MUSK: variants seen among roughly 807,000 people sequenced by gnomAD.
MUSK encodes the protein muscle, skeletal receptor tyrosine-protein kinase.
In MUSK, 55 loss-of-function variants were observed where a neutral mutation model predicts 88.7. The ratio of observed to expected loss-of-function variants is 0.62; its 90% confidence interval spans 0.50 to 0.78. MUSK has a LOEUF of 0.78. Among genes scored for constraint, MUSK ranks in the 30% least tolerant of loss-of-function variants. The pLI is 0.00. For missense variants in MUSK, 1,015 were observed against 1,074.3 expected (o/e 0.94, Z 0.77); for synonymous variants, 387 against 391.9 (o/e 0.99, Z 0.15).
chr9:110,676,423 A>G lies in MUSK; in HGVS notation c.80-6251A>G, dbSNP rs538714445. ...TTGTAAATTTTAAGTTCCGGGGTAC[A>G]AGTGCAGGATGTGCAGTTTTGTTAC... On this transcript the variant is annotated intron_variant, in intron 1 of 14. Transcript: ENST00000374448. Among the ~76,000 whole-genome samples, 17 of 142,516 alleles carry G rather than the reference A, an allele frequency of 1.2e-4. No individual in the cohort carries two copies. The East Asian group carries it at 3.3e-3, about 28-fold the overall frequency. The allele number at this position is 142,516 out of a possible 152,430, so 93.5% of individuals were successfully genotyped here.
chr9:110,768,317 G>C (rs2077516494), intron 9 of MUSK, among the ~76,000 whole-genome samples: 1 of 152,142 alleles, frequency 6.6e-6, no homozygotes, highest in South Asian at 2.1e-4. Flanking sequence ...GTCCAACATG[G>C]TGAAACCCCG....
In MUSK at chr9:110,800,609, T is replaced by G. The variant is rs946331182; in HGVS notation, c.2231T>G (p.Phe744Cys). 1 of 1,613,736 alleles carries G rather than the reference T, an allele frequency of 6.2e-7. No homozygotes were observed. Among genetic ancestry groups the G allele is most frequent in the Non-Finnish European group, 8.5e-7 (1 of 1,179,854 alleles). The change falls in exon 15 of 15, where the codon TTT (phenylalanine) becomes TGT (cysteine). Residue 744 changes from phenylalanine to cysteine, a missense_variant. Transcript: ENST00000374448. The stretch of plus-strand genomic sequence containing the variant: ...AACATGGTGGTGAAAATTGCCGACT[T>G]TGGCCTCTCCAGGAACATCTACTCA... ...GENMVVKIAD[F>C]GLSRNIYSAD...
At chr9:110,670,158 A>G (rs2075938923) in intron 1 of MUSK, among the ~76,000 whole-genome samples, 2 of 152,154 alleles carry the variant, frequency 1.3e-5, no homozygotes, top group South Asian at 2.1e-4. Flanking sequence ...GTATAATGGT[A>G]TCTTCAAATG....
chr9:110,768,704 A>G (rs1281159296), intron 9 of MUSK, among the ~76,000 whole-genome samples: 2 of 152,200 alleles, frequency 1.3e-5, no homozygotes, highest in African/African-American at 4.8e-5. Flanking sequence ...CATGGACCTC[A>G]TTAGTAAGCC....
Position 110,785,404 on chromosome 9 carries a change from G to GGCT in MUSK, c.1587-120_1587-118dup, listed in dbSNP as rs2077838708. On this transcript the variant is annotated intron_variant, in intron 12 of 14. Transcript: ENST00000374448. Reference sequence around the variant, plus strand: ...ATTGCTCTCAAAACGAAGGATCTTTGGCTGCCTTAGTATAACTTGTTTTCA... The same window carrying GGCT: ...ATTGCTCTCAAAACGAAGGATCTTTGGCTGCTGCCTTAGTATAACTTGTTTTCA... 24 of 832,736 alleles carry GGCT rather than the reference G, an allele frequency of 2.9e-5. No homozygotes were observed. In the East Asian group the frequency reaches 6.2e-4, roughly 22 times the overall value. 51.6% of individuals were successfully genotyped at this position (832,736 alleles called of 1,614,324 possible).
At chr9:110,725,850 A>G (rs1338408508) in intron 5 of MUSK, among the ~76,000 whole-genome samples, 1 of 152,090 alleles carries the variant, frequency 6.6e-6, no homozygotes, top group East Asian at 1.9e-4. Context: ...GGGAATAAAG[A>G]CTATGAAGCA....
chr9:110,754,624 T>G (rs968807065), intron 7 of MUSK, among the ~76,000 whole-genome samples: 4 of 152,238 alleles, frequency 2.6e-5, no homozygotes, highest in African/African-American at 9.6e-5. Context: ...GAGGGCTCTA[T>G]CATTTACATA....
chr9:110,689,643 A>G (rs1204240805), intron 3 of MUSK, among the ~76,000 whole-genome samples: 1 of 43,500 alleles, frequency 2.3e-5, no homozygotes, highest in Non-Finnish European at 4.4e-5. Flanking sequence ...AGTATATATT[A>G]GTAATATACC....
chr9:110,729,326 TAAA>T (rs34882321), intron 5 of MUSK, among the ~76,000 whole-genome samples: 72 of 97,404 alleles, frequency 7.4e-4, no homozygotes, highest in Non-Finnish European at 9.9e-4. Context: ...CTGTTTTCTG[TAAA>T]AAAAAAAAAA....
intron 5 of MUSK, chr9:110,727,539 A>G (rs73540104): frequency 0.028 from 4,658 of 167,120 alleles, 231 homozygotes; most frequent in African/African-American, 0.1. Flanking sequence ...TACAGACACT[A>G]TAGGTTTTAA....
chr9:110,697,495 G>C, intron 5 of MUSK, 29 bp downstream of exon 5: 1 of 1,598,446 alleles, frequency 6.3e-7, no homozygotes, highest in Non-Finnish European at 8.5e-7. Flanking sequence ...TCCCCTGACT[G>C]TGTGACCAGG....
intron 2 of MUSK, among the ~76,000 whole-genome samples, chr9:110,685,607 C>A (rs1247793986): frequency 6.6e-6 from 1 of 152,152 alleles, no homozygotes; most frequent in Non-Finnish European, 1.5e-5. Context: ...CTCTGTCCTG[C>A]ATAACAAGGA....
chr9:110,672,763 C>T (rs2075976205), intron 1 of MUSK, among the ~76,000 whole-genome samples: 1 of 152,082 alleles, frequency 6.6e-6, no homozygotes, highest in East Asian at 1.9e-4. Context: ...CACCTTGTTT[C>T]TTTATGTACC....
At chr9:110,674,098 T>G (rs1202691442) in intron 1 of MUSK, among the ~76,000 whole-genome samples, 1 of 152,130 alleles carries the variant, frequency 6.6e-6, no homozygotes, top group Admixed American at 6.6e-5. Context: ...AGACGTGGAT[T>G]TGTTGCTCTT....
intron 6 of MUSK, among the ~76,000 whole-genome samples, chr9:110,739,001 A>G (rs928475811): frequency 2.0e-5 from 3 of 152,124 alleles, no homozygotes; most frequent in South Asian, 2.1e-4. Flanking sequence ...TCCCAATCAG[A>G]TCTTCTATAA....
At chr9:110,695,308 C>A in intron 3 of MUSK, 95 bp from the exon 4 acceptor site, 1 of 908,768 alleles carries the variant, frequency 1.1e-6, no homozygotes, top group Non-Finnish European at 1.6e-6. Context: ...AAATGATTCT[C>A]AAAACAGATG....
intron 5 of MUSK, among the ~76,000 whole-genome samples, chr9:110,712,075 G>A (rs1246320016): frequency 6.6e-6 from 1 of 151,648 alleles, no homozygotes; most frequent in Non-Finnish European, 1.5e-5. Flanking sequence ...GTCTGTCCTT[G>A]GGATTCTCTT....
Position 110,682,899 on chromosome 9 carries a change from A to T in MUSK, c.206+99A>T, listed in dbSNP as rs1020404040. On this transcript the variant is annotated intron_variant, in intron 2 of 14. Transcript: ENST00000374448. ...TGAAGTAGATGAGATGTTTTGATAC[A>T]GGCATGCAATGTAAAATAAGTACCT... The T allele has an allele frequency of 1.7e-5, 14 of 815,616 alleles. 1 individual carries two copies. Among genetic ancestry groups the T allele is most frequent in the African/African-American group, 3.5e-5 (2 of 57,598 alleles). The allele number at this position is 815,616 out of a possible 1,614,324, so 50.5% of individuals were successfully genotyped here. A position where few individuals can be genotyped will look rare whatever the true frequency, so the allele number is the denominator to read the frequency against.
In MUSK at chr9:110,754,012, A is replaced by G. The variant is rs146607545; in HGVS notation, c.913+6212A>G. On this transcript the variant is annotated intron_variant, in intron 7 of 14. Transcript: ENST00000374448. ...TCTTGAGACTTGGTAACAGAGCAGT[A>G]GCACGTAATTTGCTTTACCACTCAG... Among the ~76,000 whole-genome samples, 12 of 152,382 alleles carry G rather than the reference A, an allele frequency of 7.9e-5. No individual in the cohort carries two copies. In the East Asian group the frequency reaches 2.1e-3, roughly 27 times the overall value.
Sources: gnomAD v4.1 joint callset for allele counts (sites outside exome capture counted in the v4.1 genomes callset) on GRCh38, gnomAD v4.1.1 for gene constraint, MANE v1.5 for transcripts, NCBI Gene and HGNC (gene_info 2026-07-23, HGNC 2026-07-21) for gene names.